The following GRAMD1B variants were observed in gnomAD, a reference collection of about 807,000 sequenced individuals.
GRAMD1B encodes the protein protein Aster-B.
Under a neutral mutation model 99.7 loss-of-function variants are expected in GRAMD1B, and 37 were observed. The ratio of observed to expected loss-of-function variants is 0.37; its 90% CI spans 0.29 to 0.49. The LOEUF (loss-of-function observed/expected upper bound fraction) is 0.49. GRAMD1B is among the 20% of genes least tolerant of loss of function. The pLI is 0.98. For synonymous variants in GRAMD1B, 427 were observed against 387.6 expected (o/e 1.10, Z -1.19); for missense variants, 888 against 1,009.2 (o/e 0.88, Z 1.63).
Position 123,591,186 on chromosome 11 carries a change from C to T in GRAMD1B, c.685-2896C>T, listed in dbSNP as rs967390904. Reference sequence around the variant, plus strand: ...GTCCTGAGAACCACGCTGACCACCTCGGCTCACTTGTGAAGCTTCATGCTG... The same window carrying T: ...GTCCTGAGAACCACGCTGACCACCTTGGCTCACTTGTGAAGCTTCATGCTG... On this transcript the variant is annotated intron_variant, in intron 4 of 19. Transcript: ENST00000635736. This position sits in a 1 kb window ranked among gnomAD's most constrained non-coding sequence, Gnocchi z 4.7. 3.5e-5 allele frequency: 13 copies of T among 373,750 alleles called. No individual in the cohort carries two copies. Among genetic ancestry groups the T allele is most frequent in the Admixed American group, 2.7e-4 (6 of 21,844 alleles). The allele number at this position is 373,750 out of a possible 1,614,324, so 23.2% of individuals were successfully genotyped here.
intron 2 of GRAMD1B, among the ~76,000 whole-genome samples, chr11:123,575,595 G>A (rs1685941744): frequency 1.3e-5 from 2 of 152,132 alleles, no homozygotes; most frequent in African/African-American, 2.4e-5. Flanking sequence ...ATGTGGTTAC[G>A]GGCTTGAGTT....
rs1950149259 is a variant in GRAMD1B, at chr11:123,587,040, A to G, written c.684+2708A>G. On this transcript the variant is annotated intron_variant, in intron 4 of 19. Coordinates refer to ENST00000635736, the MANE Select transcript of GRAMD1B (RefSeq NM_001387025.1). This position sits in a 1 kb window ranked among gnomAD's most constrained non-coding sequence, Gnocchi z 4.2. ...GATAGTGGCAAGAGCATTCAGGCCC[A>G]CTGGAGCAGCCTGGGTCTGGTGGGA... is the stretch of plus-strand genomic sequence containing the variant. Among the ~76,000 whole-genome samples, 1 of 152,188 alleles carries G rather than the reference A, an allele frequency of 6.6e-6. No individual in the cohort carries two copies. The highest frequency in any genetic ancestry group is 2.1e-4 in the South Asian group (1 of 4,834).
chr11:123,617,671 G>A (rs1954613663), intron 17 of GRAMD1B, among the ~76,000 whole-genome samples: 2 of 152,178 alleles, frequency 1.3e-5, no homozygotes, highest in African/African-American at 4.8e-5. Context: ...GAGAAGCTAG[G>A]AAACTTGATC....
intron 1 of GRAMD1B, among the ~76,000 whole-genome samples, chr11:123,480,030 A>G (rs1272514091): frequency 2.0e-5 from 3 of 152,130 alleles, no homozygotes; most frequent in Non-Finnish European, 2.9e-5. Context: ...AATAAAAATG[A>G]TTTGTTCATC....
intron 2 of GRAMD1B, among the ~76,000 whole-genome samples, chr11:123,507,697 A>G (rs1940576616): frequency 6.6e-6 from 1 of 152,232 alleles, no homozygotes; most frequent in South Asian, 2.1e-4. Flanking sequence ...AAATGTATAT[A>G]CCAATCTCTG....
At chr11:123,572,969 C>T (rs568694153) in intron 2 of GRAMD1B, among the ~76,000 whole-genome samples, 16 of 149,148 alleles carry the variant, frequency 1.1e-4, no homozygotes, top group African/African-American at 2.7e-4. Flanking sequence ...AGGTAGACCC[C>T]GATAGCTGAG....
chr11:123,521,882 T>C (rs1221732479), intron 2 of GRAMD1B, among the ~76,000 whole-genome samples: 1 of 152,250 alleles, frequency 6.6e-6, no homozygotes, highest in African/African-American at 2.4e-5. Flanking sequence ...CCAGTTTCAC[T>C]ATTTTCTGCC....
intron 2 of GRAMD1B, among the ~76,000 whole-genome samples, chr11:123,567,545 T>C (rs1947524293): frequency 6.6e-6 from 1 of 152,224 alleles, no homozygotes; most frequent in Non-Finnish European, 1.5e-5. Context: ...TATTTTGTTT[T>C]TGTAGGAAGG....
chr11:123,494,307 C>A (rs917209874), intron 2 of GRAMD1B, among the ~76,000 whole-genome samples: 3 of 152,150 alleles, frequency 2.0e-5, no homozygotes, highest in Admixed American at 2.0e-4. Flanking sequence ...ACTTTTCATG[C>A]TCATGGAAAT....
chr11:123,404,028 T>A (rs1317038823), intron 1 of GRAMD1B, among the ~76,000 whole-genome samples: 1 of 152,206 alleles, frequency 6.6e-6, no homozygotes, highest in African/African-American at 2.4e-5. Flanking sequence ...TGACTTACAG[T>A]GTTTCTCACT....
intron 2 of GRAMD1B, among the ~76,000 whole-genome samples, chr11:123,498,040 C>T (rs1047025797): frequency 6.6e-6 from 1 of 152,162 alleles, no homozygotes; most frequent in Admixed American, 6.5e-5. Flanking sequence ...GGGGGTTTTG[C>T]CAGGCCACTG....
intron 2 of GRAMD1B, among the ~76,000 whole-genome samples, chr11:123,548,619 A>AAT (rs58404901): frequency 0.1 from 15,160 of 150,654 alleles, 868 homozygotes; most frequent in East Asian, 0.27. Context: ...GCTTGAAATG[A>AAT]ATATATATAT....
chr11:123,373,732 G>A (rs1946606283), intron 1 of GRAMD1B, among the ~76,000 whole-genome samples: 1 of 152,202 alleles, frequency 6.6e-6, no homozygotes, highest in Non-Finnish European at 1.5e-5. Context: ...AATTAAGGGA[G>A]TCCTCTAAGA....
intron 2 of GRAMD1B, among the ~76,000 whole-genome samples, chr11:123,499,298 C>G (rs1327162427): frequency 1.3e-5 from 2 of 152,208 alleles, no homozygotes; most frequent in Non-Finnish European, 2.9e-5. Flanking sequence ...AAGTCCCTCA[C>G]CAGATGTGGC....
chr11:123,616,992 A>G (rs1407085663), intron 17 of GRAMD1B, among the ~76,000 whole-genome samples: 1 of 152,222 alleles, frequency 6.6e-6, no homozygotes, highest in Non-Finnish European at 1.5e-5. Flanking sequence ...CAGCAGCCCC[A>G]GAAATTTGTG....
chr11:123,597,387 C>T (rs1227284765), intron 7 of GRAMD1B, among the ~76,000 whole-genome samples: 2 of 151,408 alleles, frequency 1.3e-5, no homozygotes, highest in African/African-American at 4.9e-5. Flanking sequence ...CCACTGCACC[C>T]AGCTCCAACT....
At chr11:123,430,260 C>CCTCTCT (rs34538887), upstream of GRAMD1B, 2,381 of 143,542 alleles carry the variant, frequency 0.017, 46 homozygotes, top group East Asian at 0.065. Flanking sequence ...TGTCTCGCTT[C>CCTCTCT]CTCTCTCTCT....
At chr11:123,551,996 T>G (rs1945660797) in intron 2 of GRAMD1B, among the ~76,000 whole-genome samples, 2 of 152,184 alleles carry the variant, frequency 1.3e-5, no homozygotes, top group South Asian at 4.1e-4. Context: ...TATCCTCGTT[T>G]TCCCCAATCC....
At chr11:123,501,281 A>T (rs1376739680) in intron 2 of GRAMD1B, among the ~76,000 whole-genome samples, 1 of 151,884 alleles carries the variant, frequency 6.6e-6, no homozygotes, top group Non-Finnish European at 1.5e-5. Flanking sequence ...AGTGATTCTC[A>T]TGCCTCAGCC....
Sources: gnomAD v4.1 joint callset for allele counts (sites outside exome capture counted in the v4.1 genomes callset) on GRCh38, gnomAD v4.1.1 for gene constraint, Gnocchi (gnomAD v3.1) non-coding constraint, MANE v1.5 for transcripts, NCBI Gene and HGNC (gene_info 2026-07-23, HGNC 2026-07-21) for gene names.